The following PRKD1 variants were observed in gnomAD, a reference collection of about 807,000 sequenced individuals.
The protein encoded by PRKD1 is protein kinase D1.
Under a neutral mutation model 95.9 loss-of-function variants are expected in PRKD1, and 63 were observed. The observed-to-expected ratio is 0.66, with a 90% CI of 0.54 to 0.81. The LOEUF is 0.81. Among genes scored for constraint, PRKD1 ranks in the 30% least tolerant of loss-of-function variants. PRKD1 has a pLI of 0.00. For synonymous variants in PRKD1, 425 were observed against 423.1 expected, an observed-to-expected ratio of 1.00 and a Z score of -0.05; for missense variants, 1,048 against 1,165.3, an observed-to-expected ratio of 0.90 and a Z score of 1.47.
intron 1 of PRKD1, among the ~76,000 whole-genome samples, chr14:29,742,602 G>A (rs1040908272): frequency 1.3e-4 from 20 of 151,998 alleles, no homozygotes; most frequent in African/African-American, 4.3e-4. Context: ...CCCATGAAAG[G>A]CTGAAATAAA....
intron 13 of PRKD1, among the ~76,000 whole-genome samples, chr14:29,605,485 C>T (rs1319863655): frequency 6.6e-6 from 1 of 152,104 alleles, no homozygotes; most frequent in African/African-American, 2.4e-5. Context: ...TGACCACGAA[C>T]GTTTATCGGG....
At chr14:29,835,511 C>T (rs1891578638) in intron 1 of PRKD1, among the ~76,000 whole-genome samples, 3 of 152,168 alleles carry the variant, frequency 2.0e-5, no homozygotes, top group Non-Finnish European at 4.4e-5. Flanking sequence ...TGACCAGCCT[C>T]GTTGAAATCT....
chr14:29,805,626 G>GACCCTCTCTGCC (rs1890201228), intron 1 of PRKD1, among the ~76,000 whole-genome samples: 1 of 152,224 alleles, frequency 6.6e-6, no homozygotes, highest in South Asian at 2.1e-4. Flanking sequence ...GCATCTCTAT[G>GACCCTCTCTGCC]AGGTGGGAAC....
chr14:29,777,556 C>A (rs1888825018), intron 1 of PRKD1, among the ~76,000 whole-genome samples: 2 of 152,270 alleles, frequency 1.3e-5, no homozygotes, highest in Admixed American at 1.3e-4. Flanking sequence ...AAGGTCATTA[C>A]ATAATGGTAA....
intron 16 of PRKD1, among the ~76,000 whole-genome samples, chr14:29,596,327 A>T (rs941483925): frequency 1.3e-5 from 2 of 152,208 alleles, no homozygotes; most frequent in African/African-American, 2.4e-5. Flanking sequence ...AACAGAATGA[A>T]CCTAGAACTA....
chr14:29,673,911 G>C (rs906504092), intron 2 of PRKD1, among the ~76,000 whole-genome samples: 1 of 152,102 alleles, frequency 6.6e-6, no homozygotes, highest in African/African-American at 2.4e-5. Context: ...CTCTGATCCT[G>C]GTCACAGCAA....
intron 2 of PRKD1, among the ~76,000 whole-genome samples, chr14:29,671,444 G>T (rs1480779061): frequency 6.6e-6 from 1 of 152,142 alleles, no homozygotes; most frequent in Admixed American, 6.6e-5. Context: ...AGAACAGAAG[G>T]CTTTTCAGCT....
chr14:29,713,937 T>C (rs1885464115), intron 2 of PRKD1, among the ~76,000 whole-genome samples: 2 of 152,350 alleles, frequency 1.3e-5, no homozygotes, highest in Admixed American at 6.5e-5. Context: ...GGCCGGTTAC[T>C]TCTAGACCTG....
intron 8 of PRKD1, among the ~76,000 whole-genome samples, chr14:29,633,512 C>G (rs1408711534): frequency 6.6e-6 from 1 of 152,152 alleles, no homozygotes; most frequent in Non-Finnish European, 1.5e-5. Flanking sequence ...CCAACTCTAC[C>G]TTCTCTCCAG....
At chr14:29,681,090 A>C (rs1883515646) in intron 2 of PRKD1, among the ~76,000 whole-genome samples, 1 of 152,242 alleles carries the variant, frequency 6.6e-6, no homozygotes, top group African/African-American at 2.4e-5. Flanking sequence ...GACAGAGAAT[A>C]AGAAATGGTC....
chr14:29,686,889 CA>C (rs1223318190), intron 2 of PRKD1, among the ~76,000 whole-genome samples: 1 of 152,176 alleles, frequency 6.6e-6, no homozygotes, highest in African/African-American at 2.4e-5. Context: ...CAGATCACGG[CA>C]CAGAACTTAA....
At chr14:29,711,129 C>G (rs1885315800) in intron 2 of PRKD1, among the ~76,000 whole-genome samples, 1 of 152,028 alleles carries the variant, frequency 6.6e-6, no homozygotes, top group Non-Finnish European at 1.5e-5. Context: ...ATCTATTTGA[C>G]TCAACAGATA....
chr14:29,687,692 T>C (rs1304153748), intron 2 of PRKD1, among the ~76,000 whole-genome samples: 3 of 152,230 alleles, frequency 2.0e-5, no homozygotes, highest in Non-Finnish European at 4.4e-5. Context: ...TGAGTATTTA[T>C]GTGCCTTTGT....
At chr14:29,659,567 G>A (rs1309525505) in intron 4 of PRKD1, among the ~76,000 whole-genome samples, 1 of 152,044 alleles carries the variant, frequency 6.6e-6, no homozygotes, top group Non-Finnish European at 1.5e-5. Flanking sequence ...AGTCGTTTGG[G>A]CCAATATACA....
At position 29,807,399 on chromosome 14, in the gene PRKD1, T is replaced by TA. The variant is rs1285043659; in HGVS notation, c.265-81726dup. ...TGGCTGTAGCAATTTCCTCTTTTTT[T>TA]AAAAAAAAAAAAATTGAGACAGGGT... On this transcript the variant is annotated intron_variant, in intron 1 of 17. Coordinates refer to ENST00000331968, the MANE Select transcript of PRKD1 (RefSeq NM_002742.3). Among the ~76,000 whole-genome samples the TA allele has an allele frequency of 4.3e-3, 634 of 145,984 alleles. 2 individuals carry two copies. Among genetic ancestry groups the TA allele is most frequent in the Non-Finnish European group, 5.9e-3 (388 of 66,048 alleles).
At chr14:29,871,504 T>A (rs1374839396) in intron 1 of PRKD1, among the ~76,000 whole-genome samples, 1 of 152,210 alleles carries the variant, frequency 6.6e-6, no homozygotes, top group Non-Finnish European at 1.5e-5. Flanking sequence ...ATCTGCCATT[T>A]AATATGTGAC....
chr14:29,850,961 T>C (rs1892286167), intron 1 of PRKD1, among the ~76,000 whole-genome samples: 1 of 150,788 alleles, frequency 6.6e-6, no homozygotes, highest in South Asian at 2.1e-4. Flanking sequence ...ACCAACCATC[T>C]GATCTTTGAC....
intron 11 of PRKD1, among the ~76,000 whole-genome samples, chr14:29,627,519 C>T (rs1879703341): frequency 6.6e-6 from 1 of 152,120 alleles, no homozygotes; most frequent in African/African-American, 2.4e-5. Context: ...TCTTTTAAAT[C>T]TATGTTTTAT....
intron 1 of PRKD1, among the ~76,000 whole-genome samples, chr14:29,833,551 A>C (rs1173329082): frequency 6.6e-6 from 1 of 152,100 alleles, no homozygotes; most frequent in African/African-American, 2.4e-5. Context: ...AATCAAAGGC[A>C]GTGTGCCTCA....
Sources: gnomAD v4.1 joint callset for allele counts (sites outside exome capture counted in the v4.1 genomes callset) on GRCh38, gnomAD v4.1.1 for gene constraint, MANE v1.5 for transcripts, NCBI Gene and HGNC (gene_info 2026-07-23, HGNC 2026-07-21) for gene names.